TLR3: variants seen among roughly 807,000 people sequenced by gnomAD.
TLR3 encodes the protein toll-like receptor 3.
Under a neutral mutation model 66.4 loss-of-function variants are expected in TLR3, and 43 were observed. The ratio of observed to expected loss-of-function variants is 0.65; its 90% CI spans 0.51 to 0.83. The LOEUF is 0.83. Ranked by LOEUF, TLR3 falls within the 40% of genes least tolerant of loss-of-function variation. The pLI is 0.00. For missense variants in TLR3, 982 were observed against 1,044.6 expected (o/e 0.94, Z 0.83); for synonymous variants, 397 against 397.2 (o/e 1.00, Z 0.01).
chr4:186,074,403 A>C (rs1318890565), intron 1 of TLR3, among the ~76,000 whole-genome samples: 1 of 152,236 alleles, frequency 6.6e-6, no homozygotes, highest in South Asian at 2.1e-4. Flanking sequence ...GTATCTAAAC[A>C]TAGAAAAGGT....
Position 186,076,861 on chromosome 4 carries a change from A to G in TLR3, c.242A>G (p.Asp81Gly), listed in dbSNP as rs947295812. 17 of 1,614,038 alleles carry G rather than the reference A, an allele frequency of 1.1e-5. No individual in the cohort carries two copies. Among genetic ancestry groups the G allele is most frequent in the Admixed American group, 1.7e-5 (1 of 60,000 alleles). The part of the protein sequence containing the change: ...FTRYSQLTSL[D>G]VGFNTISKLE... ...AGGTATAGCCAGCTAACTAGCTTGG[A>G]TGTAGGATTTAACACCATCTCAAAA... is the stretch of plus-strand genomic sequence containing the variant. The change falls in exon 2 of 5, where the codon GAT becomes GGT. Residue 81 changes from aspartate (D) to glycine (G), a missense_variant. Asp to Gly is a moderately conservative substitution (Grantham distance 94). Around this residue, in one of 3 missense-constraint regions of TLR3, gnomAD observed 313 missense variants for 319.0 expected, o/e 0.98. Coordinates refer to ENST00000296795, the MANE Select transcript of TLR3 (RefSeq NM_003265.3).
rs768605211 is a variant in TLR3, at chr4:186,083,961, T to C, written c.2275T>C (p.Tyr759His). Reference sequence around the variant, plus strand: ...GACAGAACAGTTTGAATATGCAGCATATATAATTCATGCCTATAAAGATAA... The same window carrying C: ...GACAGAACAGTTTGAATATGCAGCACATATAATTCATGCCTATAAAGATAA... ...RQTEQFEYAA[Y>H]IIHAYKDKDW... Residue 759 changes from tyrosine to histidine, a missense_variant, in exon 4 of 5, where the codon TAT (tyrosine) becomes CAT (histidine). This residue lies in a region of TLR3 where 666 missense variants were observed against 709.0 expected (regional missense o/e 0.94). Coordinates refer to ENST00000296795, the MANE Select transcript of TLR3 (RefSeq NM_003265.3). The surrounding 1 kb of genome is among the most constrained non-coding windows in gnomAD (Gnocchi z 4.0). 12 of 1,614,114 alleles carry C rather than the reference T, an allele frequency of 7.4e-6. No individual in the cohort carries two copies. In the South Asian group the frequency reaches 1.3e-4, roughly 18 times the overall value.
At chr4:186,082,268 AC>A in intron 3 of TLR3, 51 bp from the exon 4 acceptor site, 1 of 1,226,334 alleles carries the variant, frequency 8.2e-7, no homozygotes, top group African/African-American at 1.5e-5. Context: ...CAACAGCATT[AC>A]AGAGTCTGTG....
Position 186,082,956 on chromosome 4 carries a change from A to G in TLR3, c.1270A>G (p.Ser424Gly), listed in dbSNP as rs1458572293. The change falls in exon 4 of 5, where the codon AGT (serine) becomes GGT (glycine). Residue 424 changes from serine (S) to glycine (G), a missense_variant. Ser to Gly is a moderately conservative substitution (Grantham distance 56). Around this residue, in one of 3 missense-constraint regions of TLR3, gnomAD observed 666 missense variants for 709.0 expected, o/e 0.94. Coordinates refer to ENST00000296795, the MANE Select transcript of TLR3 (RefSeq NM_003265.3). ...CAAGAATAAAATCTCAAAAATAGAG[A>G]GTGATGCTTTCTCTTGGTTGGGCCA... The part of the protein sequence containing the change: ...LTKNKISKIE[S>G]DAFSWLGHLE... 6.2e-7 allele frequency: 1 copy of G among 1,614,064 alleles called. No individual in the cohort carries two copies. Among genetic ancestry groups the G allele is most frequent in the Admixed American group, 1.7e-5 (1 of 60,012 alleles).
At chr4:186,084,226 T>TCC in intron 4 of TLR3, 54 bp downstream of exon 4, 11 of 631,320 alleles carry the variant, frequency 1.7e-5, no homozygotes, top group South Asian at 2.6e-5. Flanking sequence ...ATTAAATTTC[T>TCC]TTTTTTTTTT....
rs2099304525 is a variant in TLR3, at chr4:186,087,311, G to A, written c.*2438G>A. On this transcript the variant is annotated 3_prime_UTR_variant, in exon 5 of 5. Coordinates refer to ENST00000296795, the MANE Select transcript of TLR3 (RefSeq NM_003265.3). ...TGAATGCCAATAAAAATAGTAAAAG[G>A]TGTAAACTCTGACTCCTATCTGACC... 1 of 152,148 alleles carries A rather than the reference G, an allele frequency of 6.6e-6. No individual in the cohort carries two copies. The highest frequency in any genetic ancestry group is 1.5e-5 in the Non-Finnish European group (1 of 68,020). The allele number at this position is 152,148 out of a possible 1,614,324, so 9.4% of individuals were successfully genotyped here.
In TLR3 at chr4:186,078,834, C is replaced by G. The variant is rs371056976; in HGVS notation, c.442-6C>G. 6.0e-5 allele frequency: 97 copies of G among 1,612,696 alleles called. No homozygotes were observed. Among genetic ancestry groups the G allele is most frequent in the Non-Finnish European group, 7.0e-5 (82 of 1,179,264 alleles). On this transcript the variant is annotated splice_polypyrimidine_tract_variant and splice_region_variant and intron_variant, in intron 2 of 4. Transcript: ENST00000296795. ...CTAACATATGCATATTATTTTTTCC[C>G]TTCAGAATTTAATCACATTAGATCT...
rs1400712014 is a variant in TLR3, at chr4:186,086,714, TAGTC to T, written c.*1843_*1846del. 6.6e-6 allele frequency: 1 copy of T among 152,116 alleles called. No individual in the cohort carries two copies. The highest frequency in any genetic ancestry group is 1.5e-5 in the Non-Finnish European group (1 of 68,026). 9.4% of individuals were successfully genotyped at this position (152,116 alleles called of 1,614,324 possible). On this transcript the variant is annotated 3_prime_UTR_variant, in exon 5 of 5. Coordinates refer to ENST00000296795, the MANE Select transcript of TLR3 (RefSeq NM_003265.3). The stretch of plus-strand genomic sequence containing the variant: ...ATATTTTAAATAAATCATTGTGAAT[TAGTC>T]AATATATCAAGTTGCTTAATATGTC...
At chr4:186,071,820 C>G (rs1398180993) in intron 1 of TLR3, among the ~76,000 whole-genome samples, 1 of 152,132 alleles carries the variant, frequency 6.6e-6, no homozygotes, top group East Asian at 1.9e-4. Flanking sequence ...GATTTTATTA[C>G]CTGACACTTA....
At chr4:186,079,137 C>A (rs2099302969) in intron 3 of TLR3, 106 bp downstream of exon 3, 1 of 1,047,858 alleles carries the variant, frequency 9.5e-7, no homozygotes, top group Non-Finnish European at 1.4e-6. Flanking sequence ...TGCCTGTCTT[C>A]CAGCAATCCT....
intron 1 of TLR3, among the ~76,000 whole-genome samples, chr4:186,070,298 AT>A (rs2099301219): frequency 6.6e-6 from 1 of 152,206 alleles, no homozygotes; most frequent in African/African-American, 2.4e-5. Flanking sequence ...ATTTTTGCAT[AT>A]CTCAAAATAC....
rs1409100734 is a variant in TLR3, at chr4:186,087,933, A to G, written c.*3060A>G. The stretch of plus-strand genomic sequence containing the variant: ...CTTTTTTGGGTGATGAAAGTGCTCT[A>G]TAATTGGGTTATGGTAATAATTGTA... On this transcript the variant is annotated 3_prime_UTR_variant, in exon 5 of 5. Coordinates refer to ENST00000296795, the MANE Select transcript of TLR3 (RefSeq NM_003265.3). 1 of 152,238 alleles carries G rather than the reference A, an allele frequency of 6.6e-6. No individual in the cohort carries two copies. Among genetic ancestry groups the G allele is most frequent in the Non-Finnish European group, 1.5e-5 (1 of 68,046 alleles). The allele number at this position is 152,238 out of a possible 1,614,324, so 9.4% of individuals were successfully genotyped here.
At position 186,085,842 on chromosome 4, in the gene TLR3, TTTTG is replaced by T. The variant is rs1336276797; in HGVS notation, c.*973_*976del. Reference sequence around the variant, plus strand: ...CCTTATCTAGAAAGACTATTTTTATTTTTGTTTTTTTGTTTGTTTGTTTTTTATT... The same window carrying T: ...CCTTATCTAGAAAGACTATTTTTATTTTTTTTTGTTTGTTTGTTTTTTATT... On this transcript the variant is annotated 3_prime_UTR_variant, in exon 5 of 5. Transcript: ENST00000296795. 3 of 152,166 alleles carry T rather than the reference TTTTG, an allele frequency of 2.0e-5. No homozygotes were observed. Among genetic ancestry groups the T allele is most frequent in the African/African-American group, 7.2e-5 (3 of 41,450 alleles). The allele number at this position is 152,166 out of a possible 1,614,324, so 9.4% of individuals were successfully genotyped here.
At chr4:186,072,856 C>G (rs192011738) in intron 1 of TLR3, among the ~76,000 whole-genome samples, 1 of 152,198 alleles carries the variant, frequency 6.6e-6, no homozygotes, top group African/African-American at 2.4e-5. Flanking sequence ...AACAAAGTGC[C>G]AGGTCTTGTT....
In TLR3 at chr4:186,076,709, T is replaced by C. The variant is rs2099302517; in HGVS notation, c.90T>C (p.Val30=). The part of the protein sequence containing the change: ...LCASSTTKCT[V]SHEVADCSHL... Reference sequence around the variant, plus strand: ...CATCCTCCACCACCAAGTGCACTGTTAGCCATGAAGTTGCTGACTGCAGCC... The same window carrying C: ...CATCCTCCACCACCAAGTGCACTGTCAGCCATGAAGTTGCTGACTGCAGCC... The change falls in exon 2 of 5, where the codon GTT becomes GTC. Residue 30 remains valine, a synonymous_variant. Transcript: ENST00000296795. The C allele has an allele frequency of 6.2e-7, 1 of 1,614,204 alleles. No homozygotes were observed. The highest frequency in any genetic ancestry group is 1.6e-4 in the Middle Eastern group (1 of 6,062).
At chr4:186,075,361 C>T (rs1020151024) in intron 1 of TLR3, among the ~76,000 whole-genome samples, 5 of 152,158 alleles carry the variant, frequency 3.3e-5, no homozygotes, top group Non-Finnish European at 7.3e-5. Flanking sequence ...TTGGCTCATG[C>T]CTGTAATCCC....
chr4:186,079,693 G>A (rs895548546), intron 3 of TLR3, among the ~76,000 whole-genome samples: 7 of 152,186 alleles, frequency 4.6e-5, no homozygotes, highest in Non-Finnish European at 1.0e-4. Flanking sequence ...TTTCTGTCAC[G>A]GGAGAGCAAC....
In TLR3 at chr4:186,083,767, C is replaced by T; in HGVS notation, c.2081C>T (p.Ser694Leu). 1 of 1,613,880 alleles carries T rather than the reference C, an allele frequency of 6.2e-7. No homozygotes were observed. The highest frequency in any genetic ancestry group is 8.5e-7 in the Non-Finnish European group (1 of 1,179,936). ...HGFPVRLFDT[S>L]SCKDSAPFEL... ...TTCCCAGTGAGACTTTTTGATACATCATCTTGCAAAGACAGTGCCCCCTTT... is the reference window on the plus strand; with the variant it reads ...TTCCCAGTGAGACTTTTTGATACATTATCTTGCAAAGACAGTGCCCCCTTT... Residue 694 changes from serine to leucine, a missense_variant, in exon 4 of 5, where the codon TCA becomes TTA. Ser to Leu is a moderately radical substitution (Grantham distance 145, BLOSUM62 -2). This residue lies in a region of TLR3 where 666 missense variants were observed against 709.0 expected (regional missense o/e 0.94). Transcript: ENST00000296795. This position sits in a 1 kb window ranked among gnomAD's most constrained non-coding sequence, Gnocchi z 4.0.
At chr4:186,074,789 A>T (rs901282579) in intron 1 of TLR3, among the ~76,000 whole-genome samples, 8 of 152,000 alleles carry the variant, frequency 5.3e-5, no homozygotes, top group Admixed American at 5.2e-4. Context: ...TTCTATTTTT[A>T]ATTTTCTTCT....
Sources: allele counts gnomAD v4.1 joint callset (sites outside exome capture counted in the v4.1 genomes callset), GRCh38; gene constraint gnomAD v4.1.1; regional missense constraint gnomAD v4.1.1; non-coding constraint Gnocchi (gnomAD v3.1); transcripts MANE v1.5; gene names NCBI Gene and HGNC (gene_info 2026-07-23, HGNC 2026-07-21).